Variants in LGI1 observed in about 807,000 individuals in gnomAD.
LGI1 encodes leucine-rich glioma-inactivated protein 1.
A neutral mutation model predicts 57.7 loss-of-function variants in LGI1; 11 were observed. That is an observed-to-expected ratio of 0.19 (90% CI 0.12 to 0.32). LGI1 has a LOEUF of 0.32. Among genes scored for constraint, LGI1 ranks in the 10% least tolerant of loss-of-function variants. LGI1 has a pLI of 1.00. For synonymous variants in LGI1, 222 were observed against 241.9 expected (o/e 0.92, Z 0.76); for missense variants, 422 against 661.9 (o/e 0.64, Z 3.98).
At position 93,795,707 on chromosome 10, in the gene LGI1, C is replaced by T. The variant is rs149582196; in HGVS notation, c.839-1261C>T. 2.2e-4 allele frequency among the ~76,000 whole-genome samples: 33 copies of T among 152,348 alleles called. No homozygotes were observed. In the East Asian group the frequency reaches 6.0e-3, roughly 28 times the overall value. ...GACACGGCCACAGAATCCTTCTCAA[C>T]ACAGTTCCCCAGACAATCACACGCA... On this transcript the variant is annotated intron_variant, in intron 7 of 7. Coordinates refer to ENST00000371418, the MANE Select transcript of LGI1 (RefSeq NM_005097.4).
In LGI1 at chr10:93,792,841, A is replaced by C. The variant is rs765152197; in HGVS notation, c.602A>C (p.Glu201Ala). ...TNATVEDIYC[E>A]GPPEYKKRKI... ...GCAACTGTTGAAGACATCTACTGCG[A>C]AGGCCCCCCAGAATACAAGAAGCGC... is the stretch of plus-strand genomic sequence containing the variant. Residue 201 changes from glutamate (E) to alanine (A), a missense_variant, in exon 6 of 8, where the codon GAA becomes GCA. This residue lies in a region of LGI1 where 301 missense variants were observed against 461.7 expected (regional missense o/e 0.65). Transcript: ENST00000371418. The C allele has an allele frequency of 1.2e-6, 2 of 1,614,120 alleles. No individual in the cohort carries two copies. The highest frequency in any genetic ancestry group is 1.7e-6 in the Non-Finnish European group (2 of 1,179,996).
rs373139680 is a variant in LGI1 at position 93,759,150 on chromosome 10, T to C, written c.287+319T>C. On this transcript the variant is annotated intron_variant, in intron 2 of 7. Coordinates refer to ENST00000371418, the MANE Select transcript of LGI1 (RefSeq NM_005097.4). ...TTTTTAACTTGGGAACTTGGGTTCT[T>C]TTGCCCTGGAGTTTTTGAATTAGTC... 9 of 381,444 alleles carry C rather than the reference T, an allele frequency of 2.4e-5. No individual in the cohort carries two copies. In the East Asian group the frequency reaches 3.8e-4, roughly 16 times the overall value. The allele number at this position is 381,444 out of a possible 1,614,324, so 23.6% of individuals were successfully genotyped here.
intron 2 of LGI1, among the ~76,000 whole-genome samples, chr10:93,760,167 T>C (rs550394494): frequency 2.2e-4 from 33 of 152,366 alleles, no homozygotes; most frequent in South Asian, 1.2e-3. Context: ...TGTAATGATG[T>C]TGGCTAATGC....
Position 93,758,731 on chromosome 10 carries a change from T to C in LGI1, c.216-29T>C, listed in dbSNP as rs2059591715. The C allele has an allele frequency of 6.5e-7, 1 of 1,527,568 alleles. No homozygotes were observed. Among genetic ancestry groups the C allele is most frequent in the African/African-American group, 1.4e-5 (1 of 73,374 alleles). 94.6% of individuals were successfully genotyped at this position (1,527,568 alleles called of 1,614,324 possible). A position where few individuals can be genotyped will look rare whatever the true frequency, so the allele number is the denominator to read the frequency against. On this transcript the variant is annotated intron_variant, in intron 1 of 7. Coordinates refer to ENST00000371418, the MANE Select transcript of LGI1 (RefSeq NM_005097.4). The surrounding 1 kb of genome is among the most constrained non-coding windows in gnomAD (Gnocchi z 4.7). ...GTGTCTCTTTGTGTGTGTCTGTTTG[T>C]TTGTTTTCTCTTTTTTGTTTTCTTT...
intron 2 of LGI1, chr10:93,767,954 T>C (rs112369495): frequency 2.6e-5 from 4 of 152,322 alleles, no homozygotes; most frequent in Non-Finnish European, 5.9e-5. Flanking sequence ...GTATGTTCCA[T>C]GGAATATTCA....
chr10:93,781,079 C>T (rs567167642), intron 4 of LGI1, among the ~76,000 whole-genome samples: 35 of 152,264 alleles, frequency 2.3e-4, no homozygotes, highest in African/African-American at 7.9e-4. Context: ...TTATTATAGG[C>T]CGGGCGTGGT....
At position 93,770,603 on chromosome 10, in the gene LGI1, G is replaced by A. The variant is rs1217929091; in HGVS notation, c.288-6776G>A. ...GTTCCTTTTGAAGTAAATTCTGTGT[G>A]TCCTACCTCTCCGTTCAACCAGGAA... is the stretch of plus-strand genomic sequence containing the variant. On this transcript the variant is annotated intron_variant, in intron 2 of 7. Transcript: ENST00000371418. The A allele has an allele frequency of 2.0e-5, 3 of 152,066 alleles. No individual in the cohort carries two copies. In the East Asian group the frequency reaches 5.8e-4, roughly 29 times the overall value. The allele number at this position is 152,066 out of a possible 1,614,324, so 9.4% of individuals were successfully genotyped here. A position where few individuals can be genotyped will look rare whatever the true frequency, so the allele number is the denominator to read the frequency against.
Position 93,757,957 on chromosome 10 carries a change from C to G in LGI1, c.-188C>G, listed in dbSNP as rs2059581337. 2 of 645,224 alleles carry G rather than the reference C, an allele frequency of 3.1e-6. No individual in the cohort carries two copies. The highest frequency in any genetic ancestry group is 2.3e-5 in the Admixed American group (1 of 43,290). 40.0% of individuals were successfully genotyped at this position (645,224 alleles called of 1,614,324 possible). ...TCTCACAGTACCTCACAGGTCTCTT[C>G]CCCCGAGCAGTGCATTGCTGGAGCG... On this transcript the variant is annotated 5_prime_UTR_variant, in exon 1 of 8. Transcript: ENST00000371418.
chr10:93,773,575 G>A (rs2059761671), intron 2 of LGI1, among the ~76,000 whole-genome samples: 1 of 152,134 alleles, frequency 6.6e-6, no homozygotes, highest in Non-Finnish European at 1.5e-5. Context: ...GTACCTGCCT[G>A]GAATTCATAG....
chr10:93,783,697 CTCAT>C (rs1040626615), intron 4 of LGI1, among the ~76,000 whole-genome samples: 11 of 152,278 alleles, frequency 7.2e-5, no homozygotes, highest in African/African-American at 2.6e-4. Context: ...TCCAGCCTGC[CTCAT>C]TCATTCATTC....
rs2059583724 is a variant in LGI1 at position 93,758,162 on chromosome 10, C to G, written c.18C>G (p.Ser6Arg). MESER[S>R]KRMGNACIPL... ...TCGACTGCATGGAATCAGAAAGAAG[C>G]AAAAGGATGGGAAATGCCTGCATTC... Residue 6 changes from serine (S) to arginine (R), a missense_variant, in exon 1 of 8, where the codon AGC becomes AGG. Coordinates refer to ENST00000371418, the MANE Select transcript of LGI1 (RefSeq NM_005097.4). This position sits in a 1 kb window ranked among gnomAD's most constrained non-coding sequence, Gnocchi z 4.7. 1 of 1,613,968 alleles carries G rather than the reference C, an allele frequency of 6.2e-7. No homozygotes were observed.
At chr10:93,768,752 C>T (rs2059705106) in intron 2 of LGI1, 1 of 152,182 alleles carries the variant, frequency 6.6e-6, no homozygotes, top group Non-Finnish European at 1.5e-5. Context: ...AAATCCTAGC[C>T]CCACCACTGA....
chr10:93,783,292 C>G (rs930485070), intron 4 of LGI1, among the ~76,000 whole-genome samples: 1 of 152,124 alleles, frequency 6.6e-6, no homozygotes, highest in Admixed American at 6.5e-5. Flanking sequence ...GGGAGAATGG[C>G]GTGAACCCGG....
intron 2 of LGI1, chr10:93,766,904 C>A (rs1165660797): frequency 1.3e-5 from 2 of 152,120 alleles, no homozygotes; most frequent in African/African-American, 4.8e-5. Flanking sequence ...TAAAAGATAA[C>A]CTCCTCAATG....
intron 4 of LGI1, chr10:93,789,263 C>G (rs2059916062): frequency 6.6e-6 from 1 of 152,054 alleles, no homozygotes; most frequent in Non-Finnish European, 1.5e-5. Context: ...AAACTTTTTT[C>G]TGAGGTGGAA....
chr10:93,788,551 A>T (rs1434203759), intron 4 of LGI1: 1 of 152,246 alleles, frequency 6.6e-6, no homozygotes, highest in Non-Finnish European at 1.5e-5. Context: ...ACAGCCAGTA[A>T]ATGCTGGAGT....
intron 2 of LGI1, chr10:93,763,124 CTCCATTAGCGCT>C (rs2059640186): frequency 6.6e-6 from 1 of 152,302 alleles, no homozygotes; most frequent in African/African-American, 2.4e-5. Context: ...TCTGACCCAT[CTCCATTAGCGCT>C]GCCTTTCCTG....
chr10:93,767,336 G>A (rs777576556), intron 2 of LGI1: 2 of 152,184 alleles, frequency 1.3e-5, no homozygotes, highest in Non-Finnish European at 2.9e-5. Flanking sequence ...GTCCTGTGGA[G>A]CAGTTGACCT....
At chr10:93,766,002 G>A (rs998092462) in intron 2 of LGI1, among the ~76,000 whole-genome samples, 104 of 147,728 alleles carry the variant, frequency 7.0e-4, no homozygotes, top group Non-Finnish European at 1.3e-3. Flanking sequence ...AATGGACAAA[G>A]ATTATTGAAT....
Sources: gnomAD v4.1 joint callset for allele counts (sites outside exome capture counted in the v4.1 genomes callset) on GRCh38, gnomAD v4.1.1 for gene constraint, gnomAD v4.1.1 regional missense constraint, Gnocchi (gnomAD v3.1) non-coding constraint, MANE v1.5 for transcripts, NCBI Gene and HGNC (gene_info 2026-07-23, HGNC 2026-07-21) for gene names.